The following SEMA3D variants were observed in gnomAD, a reference collection of about 807,000 sequenced individuals.
SEMA3D encodes semaphorin 3D.
SEMA3D carries 84 observed loss-of-function variants against 100.1 expected under a neutral mutation model. That is an observed-to-expected ratio of 0.84 (90% confidence interval 0.70 to 1.01). The LOEUF is 1.01. Among genes scored for constraint, SEMA3D ranks in the 50% least tolerant of loss-of-function variants. SEMA3D has a pLI of 0.00. For missense variants in SEMA3D, 875 were observed against 934.1 expected (o/e 0.94, Z 0.82); for synonymous variants, 312 against 320.7 (o/e 0.97, Z 0.29).
chr7:85,210,785 G>T, the SEMA3D span, among the ~76,000 whole-genome samples: 1 of 152,002 alleles, frequency 6.6e-6, no homozygotes, highest in Admixed American at 6.6e-5. Flanking sequence ...TGTCTAATTT[G>T]TGTGATCCTC....
chr7:85,105,647 C>A (rs1275519054), intron 3 of SEMA3D, among the ~76,000 whole-genome samples: 2 of 152,034 alleles, frequency 1.3e-5, no homozygotes, highest in Non-Finnish European at 2.9e-5. Flanking sequence ...ATTAAGCTAT[C>A]CACACTAACC....
chr7:85,022,644 A>G (rs1431031102), intron 12 of SEMA3D, 31 bp from the exon 13 acceptor site: 1 of 1,401,808 alleles, frequency 7.1e-7, no homozygotes, highest in Non-Finnish European at 1.0e-6. Context: ...AAGTAAAGAC[A>G]TTGTTTATGC....
chr7:85,081,293 A>C (rs1260438718), intron 5 of SEMA3D, among the ~76,000 whole-genome samples: 1 of 152,214 alleles, frequency 6.6e-6, no homozygotes, highest in African/African-American at 2.4e-5. Flanking sequence ...GAATTAATAC[A>C]TTAGAAAGTA....
the SEMA3D span, among the ~76,000 whole-genome samples, chr7:85,196,956 C>T: frequency 1.4e-4 from 22 of 152,096 alleles, no homozygotes; most frequent in East Asian, 3.9e-3. Context: ...TGCCCAAATT[C>T]CTGTTTAAGA....
intron 3 of SEMA3D, among the ~76,000 whole-genome samples, chr7:85,110,911 C>T (rs983188154): frequency 1.3e-5 from 2 of 152,026 alleles, no homozygotes; most frequent in Non-Finnish European, 2.9e-5. Flanking sequence ...TTGGCTGTCA[C>T]ACTCACATGC....
the SEMA3D span, among the ~76,000 whole-genome samples, chr7:85,233,241 GAA>G: frequency 7.1e-6 from 1 of 141,270 alleles, no homozygotes. Context: ...TAGCGCGAAT[GAA>G]AAAAAAAAAA....
chr7:85,068,332 A>T (rs746173613), intron 6 of SEMA3D, 48 bp from the exon 7 acceptor site: 1 of 1,003,396 alleles, frequency 1.0e-6, no homozygotes, highest in South Asian at 1.3e-5. Context: ...AAATATTACA[A>T]ACAGTAAGAA....
intron 14 of SEMA3D, among the ~76,000 whole-genome samples, chr7:85,019,160 T>C (rs17159549): frequency 0.04 from 6,048 of 151,854 alleles, 350 homozygotes; most frequent in East Asian, 0.22. Flanking sequence ...AAAGCTGATT[T>C]TACAATAAGA....
At chr7:85,179,995 T>C (rs1447021734) in intron 1 of SEMA3D, among the ~76,000 whole-genome samples, 1 of 152,178 alleles carries the variant, frequency 6.6e-6, no homozygotes, top group East Asian at 1.9e-4. Flanking sequence ...TGAAATGAGT[T>C]AAGACTTTGG....
At position 85,015,139 on chromosome 7, in the gene SEMA3D, G is replaced by A. The variant is rs755130995; in HGVS notation, c.1623C>T (p.Cys541=). 3.7e-5 allele frequency: 59 copies of A among 1,611,516 alleles called. 1 individual carries two copies. The South Asian group carries it at 4.3e-4, about 12-fold the overall frequency. Residue 541 remains cysteine, a synonymous_variant, in exon 16 of 19, where the codon TGC becomes TGT. Coordinates refer to ENST00000284136, the MANE Select transcript of SEMA3D (RefSeq NM_001384900.1). Reference sequence around the variant, plus strand: ...GGTCTCTGGCAAGACAACAGTCTGCGCAAGCTTTCCCATAAGTGTCGCATC... The same window carrying A: ...GGTCTCTGGCAAGACAACAGTCTGCACAAGCTTTCCCATAAGTGTCGCATC... ...LHRCDTYGKA[C]ADCCLARDPY... is the part of the protein sequence containing the mutation.
intron 2 of SEMA3D, 33 bp downstream of exon 2, chr7:85,153,575 A>ATCTG (rs1263507728): frequency 2.6e-5 from 4 of 151,800 alleles, no homozygotes; most frequent in Non-Finnish European, 4.4e-5. Flanking sequence ...CTATCTATCT[A>ATCTG]TCTATTGAGG....
chr7:85,180,138 T>C (rs1275519904), intron 1 of SEMA3D, among the ~76,000 whole-genome samples: 1 of 152,240 alleles, frequency 6.6e-6, no homozygotes, highest in African/African-American at 2.4e-5. Flanking sequence ...ATCTGAATTA[T>C]AATCCCTATG....
rs144860210 is a variant in SEMA3D at position 85,008,469 on chromosome 7, A to G, written c.1769-1528T>C. Among the ~76,000 whole-genome samples the G allele has an allele frequency of 2.4e-3, 368 of 151,948 alleles. 1 individual carries two copies. The highest frequency in any genetic ancestry group is 3.3e-3 in the Non-Finnish European group (221 of 67,824). ...ATGTTTGTTTCACTTTTGAATTTTA[A>G]GTTTTCCACTTTAAAAGTTTTTAAA... On this transcript the variant is annotated intron_variant, in intron 17 of 18. Transcript: ENST00000284136.
the SEMA3D span, among the ~76,000 whole-genome samples, chr7:85,192,513 C>G: frequency 2.0e-5 from 3 of 151,948 alleles, no homozygotes; most frequent in Non-Finnish European, 2.9e-5. Flanking sequence ...AAGTTACTAC[C>G]GAACTAGACC....
the SEMA3D span, among the ~76,000 whole-genome samples, chr7:85,244,984 T>C: frequency 2.0e-5 from 3 of 152,280 alleles, no homozygotes; most frequent in East Asian, 5.8e-4. Flanking sequence ...TGTTGGGATT[T>C]ACAGGCGTGA....
chr7:85,098,298 GA>G (rs1389275004), intron 3 of SEMA3D, among the ~76,000 whole-genome samples: 1 of 151,344 alleles, frequency 6.6e-6, no homozygotes, highest in Non-Finnish European at 1.5e-5. Context: ...ATTTATGTGT[GA>G]AAAACACACA....
chr7:85,201,787 T>C, the SEMA3D span, among the ~76,000 whole-genome samples: 1 of 151,956 alleles, frequency 6.6e-6, no homozygotes, highest in Non-Finnish European at 1.5e-5. Flanking sequence ...AGAGCGGTGA[T>C]GCAATCAGGG....
At chr7:85,090,534 TTAAA>T (rs1424285465) in intron 4 of SEMA3D, among the ~76,000 whole-genome samples, 2 of 152,312 alleles carry the variant, frequency 1.3e-5, no homozygotes, top group African/African-American at 4.8e-5. Flanking sequence ...ATTTCAAGTA[TTAAA>T]TAAGAATTAA....
At chr7:85,243,224 T>G in the SEMA3D span, among the ~76,000 whole-genome samples, 1 of 152,200 alleles carries the variant, frequency 6.6e-6, no homozygotes, top group African/African-American at 2.4e-5. Flanking sequence ...CAGGATGTAA[T>G]GGCATATTTC....
Sources: gnomAD v4.1 joint callset for allele counts (sites outside exome capture counted in the v4.1 genomes callset) on GRCh38, gnomAD v4.1.1 for gene constraint, MANE v1.5 for transcripts, NCBI Gene and HGNC (gene_info 2026-07-23, HGNC 2026-07-21) for gene names.